Variants in ITPRID1 observed in about 807,000 individuals in gnomAD.
The protein encoded by ITPRID1 is protein ITPRID1.
A neutral mutation model predicts 95.4 loss-of-function variants in ITPRID1; 96 were observed. The observed-to-expected ratio is 1.01, with a 90% CI of 0.85 to 1.19. The LOEUF is 1.19. Among genes scored for constraint, ITPRID1 ranks in the 50% most tolerant of loss-of-function variants. The pLI, the probability that ITPRID1 is intolerant of heterozygous loss-of-function variation, is 0.00. For synonymous variants in ITPRID1, 510 were observed against 453.6 expected (o/e 1.12, Z -1.58); for missense variants, 1,339 against 1,252.9 (o/e 1.07, Z -1.04).
intron 10 of ITPRID1, among the ~76,000 whole-genome samples, chr7:31,640,137 G>A (rs186600081): frequency 4.6e-5 from 7 of 152,244 alleles, no homozygotes; most frequent in African/African-American, 7.2e-5. Flanking sequence ...CCAGAGCAGC[G>A]GTCATTCTAA....
At chr7:31,572,550 T>C (rs1785028469) in intron 7 of ITPRID1, among the ~76,000 whole-genome samples, 2 of 152,126 alleles carry the variant, frequency 1.3e-5, no homozygotes, top group Non-Finnish European at 2.9e-5. Context: ...TATGTTACTA[T>C]ACATAAAGCA....
In ITPRID1 at chr7:31,655,514, A is replaced by G. The variant is rs1791257270; in HGVS notation, c.*2685A>G. 6.6e-6 allele frequency among the ~76,000 whole-genome samples: 1 copy of G among 152,156 alleles called. No homozygotes were observed. Among genetic ancestry groups the G allele is most frequent in the Non-Finnish European group, 1.5e-5 (1 of 68,030 alleles). On this transcript the variant is annotated 3_prime_UTR_variant, in exon 15 of 15. Coordinates refer to ENST00000615280, the MANE Select transcript of ITPRID1 (RefSeq NM_001257967.3). ...TGCTGGATCTACAGTGAATACCCAG[A>G]AAGTACTTTTAGAATAAGCCAGAGA...
intron 10 of ITPRID1, among the ~76,000 whole-genome samples, chr7:31,588,498 G>GT (rs1183489304): frequency 6.6e-6 from 1 of 151,826 alleles, no homozygotes; most frequent in Non-Finnish European, 1.5e-5. Context: ...GGGCATGGTG[G>GT]TGGGTGCCTG....
chr7:31,572,937 G>C (rs914321566), intron 7 of ITPRID1, among the ~76,000 whole-genome samples: 2 of 152,142 alleles, frequency 1.3e-5, no homozygotes, highest in African/African-American at 4.8e-5. Flanking sequence ...TAAATGGGTA[G>C]GATAAACATT....
chr7:31,522,497 A>G (rs1783297480), intron 1 of ITPRID1, among the ~76,000 whole-genome samples: 1 of 152,148 alleles, frequency 6.6e-6, no homozygotes, highest in Non-Finnish European at 1.5e-5. Flanking sequence ...AATAAGCCAC[A>G]CTTTTGTTTC....
At chr7:31,517,852 C>G (rs902020153) in intron 1 of ITPRID1, 1 of 152,390 alleles carries the variant, frequency 6.6e-6, no homozygotes, top group African/African-American at 2.4e-5. Context: ...GCTGCTAGCA[C>G]ATTGTCACCT....
chr7:31,621,443 G>A (rs1260110847), intron 10 of ITPRID1, among the ~76,000 whole-genome samples: 1 of 103,200 alleles, frequency 9.7e-6, no homozygotes. Flanking sequence ...GAGAGTGGGG[G>A]CCAATATTCA....
chr7:31,554,923 T>C (rs1485758921), intron 5 of ITPRID1, 22 bp downstream of exon 5: 3 of 1,557,774 alleles, frequency 1.9e-6, no homozygotes, highest in Admixed American at 3.6e-5. Context: ...GAAGCAGTTA[T>C]GCTTTGGGAA....
At chr7:31,541,804 A>C (rs866534531) in intron 1 of ITPRID1, among the ~76,000 whole-genome samples, 1 of 152,154 alleles carries the variant, frequency 6.6e-6, no homozygotes, top group South Asian at 2.1e-4. Context: ...ACCATATGGT[A>C]AGATTTTTAT....
At chr7:31,519,624 A>C (rs796278687) in intron 1 of ITPRID1, among the ~76,000 whole-genome samples, 592 of 58,282 alleles carry the variant, frequency 0.01, 5 homozygotes, top group Non-Finnish European at 0.015. Context: ...CTCTCTCTAT[A>C]TATATATATA....
chr7:31,577,433 A>G (rs749017521), intron 8 of ITPRID1, among the ~76,000 whole-genome samples: 1 of 152,174 alleles, frequency 6.6e-6, no homozygotes, highest in Non-Finnish European at 1.5e-5. Context: ...GACAGTATGG[A>G]TAGGGATGAT....
At chr7:31,588,867 A>C (rs1167710281) in intron 10 of ITPRID1, among the ~76,000 whole-genome samples, 1 of 152,094 alleles carries the variant, frequency 6.6e-6, no homozygotes, top group East Asian at 1.9e-4. Flanking sequence ...TGAGATTTTC[A>C]TTTGGGGTTT....
intron 10 of ITPRID1, among the ~76,000 whole-genome samples, chr7:31,589,715 A>C (rs929181898): frequency 1.3e-5 from 2 of 152,182 alleles, no homozygotes; most frequent in Non-Finnish European, 2.9e-5. Flanking sequence ...ATGCAGCAAA[A>C]ATATCCTTCA....
intron 5 of ITPRID1, among the ~76,000 whole-genome samples, chr7:31,556,198 G>A (rs1433981693): frequency 1.3e-5 from 2 of 152,140 alleles, no homozygotes; most frequent in African/African-American, 4.8e-5. Flanking sequence ...GCACAGACAT[G>A]AAGTAAAGAC....
chr7:31,552,686 T>C (rs1314266354), intron 2 of ITPRID1, among the ~76,000 whole-genome samples: 1 of 152,180 alleles, frequency 6.6e-6, no homozygotes, highest in African/African-American at 2.4e-5. Context: ...TTACTGGGTG[T>C]GTCCTCAAGT....
chr7:31,568,784 A>G (rs1784886000), intron 5 of ITPRID1, among the ~76,000 whole-genome samples: 1 of 152,198 alleles, frequency 6.6e-6, no homozygotes, highest in South Asian at 2.1e-4. Context: ...CGTGGTTTTC[A>G]TGTCCTAACA....
intron 10 of ITPRID1, among the ~76,000 whole-genome samples, chr7:31,639,313 A>T (rs1184173401): frequency 6.6e-6 from 1 of 151,908 alleles, no homozygotes; most frequent in Non-Finnish European, 1.5e-5. Context: ...TTCATTTGGG[A>T]TAGCTTCTTA....
intron 10 of ITPRID1, among the ~76,000 whole-genome samples, chr7:31,588,203 A>G (rs1785704037): frequency 6.6e-6 from 1 of 152,218 alleles, no homozygotes; most frequent in Admixed American, 6.5e-5. Flanking sequence ...AAGAGTGACC[A>G]AAAGTGAACA....
At chr7:31,600,976 C>A (rs1413738352) in intron 10 of ITPRID1, among the ~76,000 whole-genome samples, 1 of 152,084 alleles carries the variant, frequency 6.6e-6, no homozygotes, top group African/African-American at 2.4e-5. Context: ...GGGGGAGAGC[C>A]GTCTTCTGCC....
Sources: gnomAD v4.1 joint callset for allele counts (sites outside exome capture counted in the v4.1 genomes callset) on GRCh38, gnomAD v4.1.1 for gene constraint, MANE v1.5 for transcripts, NCBI Gene and HGNC (gene_info 2026-07-23, HGNC 2026-07-21) for gene names.